The following RBFOX1 variants were observed in gnomAD, a reference collection of about 807,000 sequenced individuals.
RBFOX1 encodes the protein RNA binding protein fox-1 homolog 1.
Under a neutral mutation model 57.7 loss-of-function variants are expected in RBFOX1, and 8 were observed. The observed-to-expected ratio is 0.14, with a 90% CI of 0.08 to 0.25. RBFOX1 has a LOEUF of 0.25. Among genes scored for constraint, RBFOX1 ranks in the 10% least tolerant of loss-of-function variants. The pLI is 1.00. For synonymous variants in RBFOX1, 326 were observed against 222.4 expected, an observed-to-expected ratio of 1.47 and a Z score of -4.15; for missense variants, 611 against 548.5, an observed-to-expected ratio of 1.11 and a Z score of -1.14.
intron 4 of RBFOX1, among the ~76,000 whole-genome samples, chr16:7,123,984 T>C (rs1460886690): frequency 6.6e-6 from 1 of 152,190 alleles, no homozygotes; most frequent in African/African-American, 2.4e-5. Flanking sequence ...ACATAGGTCT[T>C]TGTGCATATG....
chr16:6,710,304 A>C (rs2063496239), intron 3 of RBFOX1, among the ~76,000 whole-genome samples: 1 of 152,202 alleles, frequency 6.6e-6, no homozygotes, highest in African/African-American at 2.4e-5. Context: ...ATGTACTTTT[A>C]GTTTTTTAAT....
chr16:5,967,054 T>C (rs1285771446), intron 4 of RBFOX1, among the ~76,000 whole-genome samples: 1 of 147,434 alleles, frequency 6.8e-6, no homozygotes, highest in Non-Finnish European at 1.5e-5. Flanking sequence ...TTAAGTTTGA[T>C]GGGAAAACAG....
intron 3 of RBFOX1, among the ~76,000 whole-genome samples, chr16:6,849,313 A>G (rs1173064276): frequency 5.9e-5 from 9 of 152,212 alleles, no homozygotes; most frequent in South Asian, 2.1e-4. Flanking sequence ...AATCGTGTTC[A>G]TTTTTAAGAG....
rs1491225005 is a variant in RBFOX1, at chr16:6,431,891, TGC to T, written c.-64+114835_-64+114836del. On this transcript the variant is annotated intron_variant, in intron 2 of 15. Transcript: ENST00000550418. Reference sequence around the variant, plus strand: ...GAACATGTCCAGAAATATGCTTGCTTGCTTGCTTTCTTTCTTTCTTTCTTTCT... The same window carrying T: ...GAACATGTCCAGAAATATGCTTGCTTTTGCTTTCTTTCTTTCTTTCTTTCT... Among the ~76,000 whole-genome samples the T allele has an allele frequency of 3.7e-3, 425 of 113,436 alleles. 1 individual carries two copies. Among genetic ancestry groups the T allele is most frequent in the African/African-American group, 1.0e-2 (275 of 27,628 alleles). The allele number at this position is 113,436 out of a possible 152,430, so 74.4% of individuals were successfully genotyped here. A position where few individuals can be genotyped will look rare whatever the true frequency, so the allele number is the denominator to read the frequency against.
At chr16:7,710,386 A>G in intron 15 of RBFOX1, 1 of 1,373,242 alleles carries the variant, frequency 7.3e-7, no homozygotes, top group Non-Finnish European at 9.3e-7. Context: ...GAGTCCTTTT[A>G]GCTAAGAGGA....
chr16:6,561,672 G>T (rs562699197), intron 2 of RBFOX1, among the ~76,000 whole-genome samples: 190 of 152,192 alleles, frequency 1.2e-3, no homozygotes, highest in Middle Eastern at 3.4e-3. Flanking sequence ...TTATCTTTTT[G>T]TTTTTTCTTT....
At chr16:7,702,220 G>T (rs535812878) in intron 14 of RBFOX1, among the ~76,000 whole-genome samples, 23 of 152,320 alleles carry the variant, frequency 1.5e-4, no homozygotes, top group Admixed American at 5.2e-4. Flanking sequence ...ATGAAGATAA[G>T]AGACTGATCA....
chr16:6,678,412 C>A (rs1275295024), intron 3 of RBFOX1, among the ~76,000 whole-genome samples: 1 of 152,022 alleles, frequency 6.6e-6, no homozygotes, highest in Non-Finnish European at 1.5e-5. Context: ...GCATGAGCCG[C>A]TGCACCTGGC....
At chr16:5,495,280 C>A (rs951160063) in intron 2 of RBFOX1, among the ~76,000 whole-genome samples, 2 of 152,208 alleles carry the variant, frequency 1.3e-5, no homozygotes, top group African/African-American at 2.4e-5. Flanking sequence ...ACTTTGGATA[C>A]CAGTCTTTCC....
At chr16:7,194,184 C>G (rs1602536107) in intron 4 of RBFOX1, among the ~76,000 whole-genome samples, 2 of 152,114 alleles carry the variant, frequency 1.3e-5, no homozygotes, top group Non-Finnish European at 2.9e-5. Flanking sequence ...ACTTTGTGAT[C>G]TCTGTTTTTA....
intron 2 of RBFOX1, among the ~76,000 whole-genome samples, chr16:6,398,552 C>T (rs1221937018): frequency 6.6e-6 from 1 of 152,044 alleles, no homozygotes; most frequent in Non-Finnish European, 1.5e-5. Flanking sequence ...TTTGCCAAAA[C>T]AAAGGGACTA....
chr16:6,675,492 C>T (rs994928613), intron 3 of RBFOX1, among the ~76,000 whole-genome samples: 6 of 152,130 alleles, frequency 3.9e-5, no homozygotes, highest in Admixed American at 3.9e-4. Context: ...TGGGCTTGGT[C>T]AGGCTTGCAT....
intron 3 of RBFOX1, among the ~76,000 whole-genome samples, chr16:6,940,057 A>G (rs117559556): frequency 3.3e-4 from 50 of 152,246 alleles, no homozygotes; most frequent in Non-Finnish European, 6.9e-4. Context: ...TCTACTGAAA[A>G]TACAAAAAAT....
intron 2 of RBFOX1, among the ~76,000 whole-genome samples, chr16:5,532,751 T>G (rs184533905): frequency 6.6e-6 from 1 of 152,348 alleles, no homozygotes; most frequent in African/African-American, 2.4e-5. Context: ...CCCAGGAATC[T>G]TCACTCATCC....
At chr16:5,830,036 A>T (rs961793571) in intron 3 of RBFOX1, among the ~76,000 whole-genome samples, 9 of 152,032 alleles carry the variant, frequency 5.9e-5, no homozygotes, top group African/African-American at 1.2e-4. Context: ...TAGCCATGAC[A>T]TTTCCTTGTA....
At chr16:7,658,652 A>G (rs1199435949) in intron 12 of RBFOX1, among the ~76,000 whole-genome samples, 1 of 152,142 alleles carries the variant, frequency 6.6e-6, no homozygotes, top group Non-Finnish European at 1.5e-5. Context: ...CCTCCCTCAA[A>G]GAGGAACTCG....
At chr16:5,761,200 T>C (rs2053578178) in intron 3 of RBFOX1, among the ~76,000 whole-genome samples, 1 of 152,158 alleles carries the variant, frequency 6.6e-6, no homozygotes, top group African/African-American at 2.4e-5. Flanking sequence ...TGCTGTTTAT[T>C]TTGTGACATG....
chr16:6,091,937 C>G (rs898841019), intron 1 of RBFOX1, among the ~76,000 whole-genome samples: 1 of 152,178 alleles, frequency 6.6e-6, no homozygotes, highest in Non-Finnish European at 1.5e-5. Flanking sequence ...CCATCTACCT[C>G]CCCATCTATC....
At chr16:6,132,987 A>AAG (rs2096640528) in intron 1 of RBFOX1, among the ~76,000 whole-genome samples, 1 of 151,712 alleles carries the variant, frequency 6.6e-6, no homozygotes. Context: ...AAGAAAAGAA[A>AAG]AAAAAGACTA....
Sources: allele counts gnomAD v4.1 joint callset (sites outside exome capture counted in the v4.1 genomes callset), GRCh38; gene constraint gnomAD v4.1.1; transcripts MANE v1.5; gene names NCBI Gene and HGNC (gene_info 2026-07-23, HGNC 2026-07-21).